CPQ: variants seen among roughly 807,000 people sequenced by gnomAD.
CPQ encodes carboxypeptidase Q, also known as Ser-Met dipeptidase.
Under a neutral mutation model 45.7 loss-of-function variants are expected in CPQ, and 37 were observed. That is an observed-to-expected ratio of 0.81 (90% CI 0.62 to 1.07). The LOEUF (loss-of-function observed/expected upper bound fraction) is 1.07. CPQ is among the 50% of genes least tolerant of loss of function. CPQ has a pLI of 0.00. For synonymous variants in CPQ, 186 were observed against 205.8 expected, an observed-to-expected ratio of 0.90 and a Z score of 0.82; for missense variants, 537 against 572.9, an observed-to-expected ratio of 0.94 and a Z score of 0.64.
At chr8:96,856,546 G>A (rs959365452) in intron 3 of CPQ, among the ~76,000 whole-genome samples, 1 of 152,140 alleles carries the variant, frequency 6.6e-6, no homozygotes, top group Non-Finnish European at 1.5e-5. Flanking sequence ...CTTGCTTATC[G>A]TGTTCACTGC....
At chr8:96,826,185 C>T (rs1204547136) in intron 2 of CPQ, among the ~76,000 whole-genome samples, 1 of 152,040 alleles carries the variant, frequency 6.6e-6, no homozygotes, top group Admixed American at 6.6e-5. Flanking sequence ...TTAACACTTG[C>T]TGAATTCTTC....
In CPQ at chr8:97,121,016, G is replaced by A. The variant is rs972563630; in HGVS notation, c.1256-22004G>A. Among the ~76,000 whole-genome samples, 2 of 152,120 alleles carry A rather than the reference G, an allele frequency of 1.3e-5. 1 individual carries two copies. The highest frequency in any genetic ancestry group is 4.2e-4 in the South Asian group (2 of 4,818). On this transcript the variant is annotated intron_variant, in intron 7 of 7. Transcript: ENST00000220763. ...CTGTATTACAGATGAAGAAATTAAG[G>A]CACAGAGAAGTAAAATATCCTACCT...
intron 1 of CPQ, among the ~76,000 whole-genome samples, chr8:96,763,161 C>T (rs930353104): frequency 4.6e-5 from 7 of 152,084 alleles, no homozygotes; most frequent in African/African-American, 1.7e-4. Flanking sequence ...CCCAAATGAA[C>T]TCATTTTAAC....
In CPQ at chr8:96,914,688, G is replaced by A. The variant is rs186209034; in HGVS notation, c.849+34683G>A. 1.4e-3 allele frequency among the ~76,000 whole-genome samples: 209 copies of A among 152,132 alleles called. 2 individuals are homozygous for A. Among genetic ancestry groups the A allele is most frequent in the Admixed American group, 9.8e-3 (150 of 15,264 alleles). On this transcript the variant is annotated intron_variant, in intron 4 of 7. Transcript: ENST00000220763. ...AAATTACAGTAAGGGACTTTGTTCG[G>A]AATTCCACTAGGCTAATTTCAAACC...
intron 6 of CPQ, among the ~76,000 whole-genome samples, chr8:97,035,763 A>G (rs1809991921): frequency 6.6e-6 from 1 of 152,052 alleles, no homozygotes; most frequent in South Asian, 2.1e-4. Context: ...GCTGGAGTGC[A>G]GTGGCGCGAT....
chr8:96,960,029 G>A (rs1353728426), intron 4 of CPQ, among the ~76,000 whole-genome samples: 1 of 151,948 alleles, frequency 6.6e-6, no homozygotes, highest in Non-Finnish European at 1.5e-5. Flanking sequence ...ACATGAATGT[G>A]GTCAGGTTTA....
At position 96,858,778 on chromosome 8, in the gene CPQ, T is replaced by C. The variant is rs147869988; in HGVS notation, c.642-21020T>C. 3.2e-3 allele frequency among the ~76,000 whole-genome samples: 494 copies of C among 152,326 alleles called. 5 individuals carry two copies. The highest frequency in any genetic ancestry group is 0.012 in the African/African-American group (481 of 41,572). On this transcript the variant is annotated intron_variant, in intron 3 of 7. Coordinates refer to ENST00000220763, the MANE Select transcript of CPQ (RefSeq NM_016134.4). ...CAAAGATTTGAATAATATAGATAAA[T>C]GTTTTCCTTGACTACCCACACCACC...
chr8:96,894,745 A>C (rs778019778), intron 4 of CPQ, among the ~76,000 whole-genome samples: 1 of 152,188 alleles, frequency 6.6e-6, no homozygotes, highest in Non-Finnish European at 1.5e-5. Flanking sequence ...AGTCTAAGCT[A>C]TCCAGAAAAG....
intron 1 of CPQ, among the ~76,000 whole-genome samples, chr8:96,777,752 ATATATATATTTTTTTTTTTTTTTTTT>A (rs1810631316): frequency 8.5e-5 from 1 of 11,798 alleles, no homozygotes; most frequent in African/African-American, 3.7e-4. Context: ...ATATATATAT[ATATATATATTTTTTTTTTTTTTTTTT>A]TTTTTTTTTT....
intron 3 of CPQ, among the ~76,000 whole-genome samples, chr8:96,868,446 C>A (rs536126977): frequency 7.9e-5 from 12 of 152,008 alleles, no homozygotes; most frequent in Non-Finnish European, 1.3e-4. Context: ...CATCTGTTTT[C>A]AGGGTGTTTC....
intron 3 of CPQ, among the ~76,000 whole-genome samples, chr8:96,844,182 G>C (rs1811654320): frequency 6.6e-6 from 1 of 152,148 alleles, no homozygotes; most frequent in South Asian, 2.1e-4. Flanking sequence ...CTTATGCAGT[G>C]CCCTTTGAAA....
Position 96,920,416 on chromosome 8 carries a change from G to C in CPQ, c.849+40411G>C, listed in dbSNP as rs187204488. ...GAAATAAATATGTTATTTGGTAATG[G>C]ACTTGTTTTCTTAACAATTATAATA... On this transcript the variant is annotated intron_variant, in intron 4 of 7. Transcript: ENST00000220763. 5.3e-5 allele frequency among the ~76,000 whole-genome samples: 8 copies of C among 152,230 alleles called. No homozygotes were observed. In the East Asian group the frequency reaches 1.5e-3, roughly 29 times the overall value.
intron 3 of CPQ, among the ~76,000 whole-genome samples, chr8:96,879,293 T>C (rs1365434787): frequency 6.6e-6 from 1 of 152,236 alleles, no homozygotes; most frequent in Non-Finnish European, 1.5e-5. Flanking sequence ...ACACTTTTCC[T>C]GCGTGGTGTT....
intron 1 of CPQ, among the ~76,000 whole-genome samples, chr8:96,713,095 A>G (rs1225924932): frequency 6.6e-6 from 1 of 152,134 alleles, no homozygotes; most frequent in Non-Finnish European, 1.5e-5. Flanking sequence ...CAAGTTCTTC[A>G]TCTCCATCTG....
At chr8:97,051,040 A>G (rs1377358034) in intron 6 of CPQ, among the ~76,000 whole-genome samples, 1 of 152,184 alleles carries the variant, frequency 6.6e-6, no homozygotes, top group Non-Finnish European at 1.5e-5. Flanking sequence ...TCATTTAGCT[A>G]TTATGTGACA....
intron 5 of CPQ, among the ~76,000 whole-genome samples, chr8:97,017,768 A>G (rs1025976826): frequency 1.3e-5 from 2 of 152,116 alleles, no homozygotes; most frequent in African/African-American, 4.8e-5. Context: ...TGACATGCCT[A>G]GCCCTGCCCC....
intron 7 of CPQ, among the ~76,000 whole-genome samples, chr8:97,137,288 C>T (rs1036729589): frequency 1.3e-5 from 2 of 152,126 alleles, no homozygotes; most frequent in Non-Finnish European, 2.9e-5. Context: ...CTTTGTCTGT[C>T]GACCACCATG....
intron 4 of CPQ, among the ~76,000 whole-genome samples, chr8:96,940,065 C>A (rs1813104802): frequency 1.3e-5 from 2 of 152,078 alleles, no homozygotes; most frequent in African/African-American, 4.8e-5. Flanking sequence ...ACTCTGTTAT[C>A]ATAATAAATA....
At position 96,835,128 on chromosome 8, in the gene CPQ, G is replaced by T. The variant is rs373864966; in HGVS notation, c.589G>T (p.Val197Leu). 26 of 1,586,794 alleles carry T rather than the reference G, an allele frequency of 1.6e-5. No individual in the cohort carries two copies. Among genetic ancestry groups the T allele is most frequent in the South Asian group, 2.3e-5 (2 of 88,194 alleles). Reference protein sequence around the residue: ...RTQGAVEAAKVGALASLIRSV... With the variant: ...RTQGAVEAAKLGALASLIRSV... ...GCAGGGGGCGGTGGAAGCTGCCAAG[G>T]TGGGGGCTTTGGCATCTCTCATTCG... Residue 197 changes from valine (V) to leucine (L), a missense_variant, in exon 3 of 8, where the codon GTG becomes TTG. Coordinates refer to ENST00000220763, the MANE Select transcript of CPQ (RefSeq NM_016134.4).
Sources: gnomAD v4.1 joint callset for allele counts (sites outside exome capture counted in the v4.1 genomes callset) on GRCh38, gnomAD v4.1.1 for gene constraint, MANE v1.5 for transcripts, NCBI Gene and HGNC (gene_info 2026-07-23, HGNC 2026-07-21) for gene names.